Variants in CNOT6 observed in about 807,000 individuals in gnomAD.
CNOT6 encodes the protein CCR4-NOT transcription complex subunit 6, also known as carbon catabolite repression 4 protein.
In CNOT6, 12 loss-of-function variants were observed where a neutral mutation model predicts 61.2. That is an observed-to-expected ratio of 0.20 (90% CI 0.13 to 0.32). CNOT6 has a LOEUF of 0.32. CNOT6 is among the 10% of genes least tolerant of loss of function. The pLI is 1.00. For missense variants in CNOT6, 405 were observed against 663.9 expected (o/e 0.61, Z 4.28); for synonymous variants, 225 against 240.6 (o/e 0.94, Z 0.60).
chr5:180,567,471 A>G (rs1438977166), intron 8 of CNOT6, among the ~76,000 whole-genome samples: 1 of 152,190 alleles, frequency 6.6e-6, no homozygotes, highest in Non-Finnish European at 1.5e-5. Context: ...ACTAGGGTTT[A>G]ACTCCCAATT....
At chr5:180,571,706 C>T (rs887020175) in intron 11 of CNOT6, among the ~76,000 whole-genome samples, 1 of 152,146 alleles carries the variant, frequency 6.6e-6, no homozygotes, top group African/African-American at 2.4e-5. Context: ...GCTGGGACTA[C>T]AGGCGCCTAC....
intron 4 of CNOT6, among the ~76,000 whole-genome samples, chr5:180,557,095 A>G (rs1025091249): frequency 4.6e-5 from 7 of 152,338 alleles, no homozygotes; most frequent in Admixed American, 2.6e-4. Context: ...AATAGACAAA[A>G]GTAGTAGTCT....
At position 180,574,472 on chromosome 5, in the gene CNOT6, T is replaced by G; in HGVS notation, c.*272T>G. The G allele has an allele frequency of 2.1e-6, 1 of 477,088 alleles. No homozygotes were observed. Among genetic ancestry groups the G allele is most frequent in the Non-Finnish European group, 3.8e-6 (1 of 263,048 alleles). 29.6% of individuals were successfully genotyped at this position (477,088 alleles called of 1,614,324 possible). A position where few individuals can be genotyped will look rare whatever the true frequency, so the allele number is the denominator to read the frequency against. On this transcript the variant is annotated 3_prime_UTR_variant, in exon 12 of 12. Transcript: ENST00000261951. ...AGATTTTCCTATTTCTTCTACCCAA[T>G]AGAATATTTTCATGCCTGGAAATAG...
At position 180,564,787 on chromosome 5, in the gene CNOT6, C is replaced by A. The variant is rs374036162; in HGVS notation, c.559+44C>A. ...TTTAACTGTTATTTTTGCTCAGTCT[C>A]TATAAGCCTAACAGTATTGTCAGCA... On this transcript the variant is annotated intron_variant, in intron 6 of 11. Transcript: ENST00000261951. 5.1e-6 allele frequency: 7 copies of A among 1,359,754 alleles called. No individual in the cohort carries two copies. In the African/African-American group the frequency reaches 8.6e-5, roughly 17 times the overall value. 84.2% of individuals were successfully genotyped at this position (1,359,754 alleles called of 1,614,324 possible). A position where few individuals can be genotyped will look rare whatever the true frequency, so the allele number is the denominator to read the frequency against.
chr5:180,515,714 C>T lies in CNOT6; in HGVS notation c.-2-13561C>T, dbSNP rs146595242. 6.6e-4 allele frequency among the ~76,000 whole-genome samples: 101 copies of T among 151,962 alleles called. No individual in the cohort carries two copies. The East Asian group carries it at 0.019, about 29-fold the overall frequency. On this transcript the variant is annotated intron_variant, in intron 1 of 11. Coordinates refer to ENST00000261951, the MANE Select transcript of CNOT6 (RefSeq NM_001370472.1). ...CCTAACTTACAGTAGCTCTAAGGAG[C>T]CTGATTACTAAAAAAAAAGGGGGTC...
chr5:180,502,882 C>T (rs1427457733), intron 1 of CNOT6, among the ~76,000 whole-genome samples: 3 of 152,158 alleles, frequency 2.0e-5, no homozygotes, highest in Non-Finnish European at 2.9e-5. Context: ...GTTAAGTAAA[C>T]ACTTCAGCAT....
Position 180,529,475 on chromosome 5 carries a change from AT to A in CNOT6, c.112+89del, listed in dbSNP as rs1380820838. Reference sequence around the variant, plus strand: ...TCTAATGCCAATACAGGAAAGAAACATTGATTTTATATTTTACAAATGTAAT... The same window carrying A: ...TCTAATGCCAATACAGGAAAGAAACATGATTTTATATTTTACAAATGTAAT... On this transcript the variant is annotated intron_variant, in intron 2 of 11. Coordinates refer to ENST00000261951, the MANE Select transcript of CNOT6 (RefSeq NM_001370472.1). 4.1e-6 allele frequency: 3 copies of A among 731,728 alleles called. No homozygotes were observed. In the East Asian group the frequency reaches 8.0e-5, roughly 19 times the overall value. The allele number at this position is 731,728 out of a possible 1,614,324, so 45.3% of individuals were successfully genotyped here. A position where few individuals can be genotyped will look rare whatever the true frequency, so the allele number is the denominator to read the frequency against.
At chr5:180,566,537 A>G (rs1479872996) in intron 7 of CNOT6, among the ~76,000 whole-genome samples, 2 of 151,870 alleles carry the variant, frequency 1.3e-5, no homozygotes, top group South Asian at 2.1e-4. Flanking sequence ...TCTTTCACTC[A>G]CTGTTCTTAA....
At chr5:180,503,506 G>A (rs959223002) in intron 1 of CNOT6, among the ~76,000 whole-genome samples, 1 of 150,988 alleles carries the variant, frequency 6.6e-6, no homozygotes, top group African/African-American at 2.4e-5. Flanking sequence ...CTGAAGTGAT[G>A]TGCCTGCTTC....
intron 1 of CNOT6, 134 bp from the exon 2 acceptor site, chr5:180,529,132 AGGTTGGAGT>A: frequency 1.6e-6 from 1 of 620,464 alleles, no homozygotes; most frequent in Non-Finnish European, 2.9e-6. Flanking sequence ...TTGCTTGAAG[AGGTTGGAGT>A]GAGCCAAAAT....
intron 2 of CNOT6, among the ~76,000 whole-genome samples, chr5:180,547,268 C>T (rs1161433174): frequency 2.0e-5 from 3 of 151,960 alleles, no homozygotes; most frequent in African/African-American, 4.8e-5. Flanking sequence ...GCCTGTATTC[C>T]CAGCACTTTG....
rs1162724871 is a variant in CNOT6, at chr5:180,550,005, C to T, written c.187C>T (p.Leu63=). Residue 63 remains leucine (L), a synonymous_variant, in exon 3 of 12, where the codon CTG becomes TTG. Coordinates refer to ENST00000261951, the MANE Select transcript of CNOT6 (RefSeq NM_001370472.1). ...AGCTTTGCATTTGAGTGACAATTCC[C>T]TGTCCCGAATTCCTTCAGACATTGC... ...LTALHLSDNS[L]SRIPSDIAKL... 1 of 1,614,048 alleles carries T rather than the reference C, an allele frequency of 6.2e-7. No homozygotes were observed. The highest frequency in any genetic ancestry group is 2.2e-5 in the East Asian group (1 of 44,888).
chr5:180,525,290 A>G (rs1255945819), intron 1 of CNOT6, among the ~76,000 whole-genome samples: 1 of 152,114 alleles, frequency 6.6e-6, no homozygotes. Flanking sequence ...TAATCTTAAC[A>G]CTTTGGGAGG....
At chr5:180,512,590 A>G (rs775242227) in intron 1 of CNOT6, among the ~76,000 whole-genome samples, 2 of 152,154 alleles carry the variant, frequency 1.3e-5, no homozygotes, top group Non-Finnish European at 2.9e-5. Context: ...TTTTATTACT[A>G]TTTTTATTCT....
At chr5:180,565,455 G>T (rs1474323254) in intron 6 of CNOT6, among the ~76,000 whole-genome samples, 1 of 152,188 alleles carries the variant, frequency 6.6e-6, no homozygotes, top group Non-Finnish European at 1.5e-5. Flanking sequence ...GCCTATTAAG[G>T]ATACTACCTA....
At chr5:180,543,324 G>T (rs1356245233) in intron 2 of CNOT6, among the ~76,000 whole-genome samples, 2 of 146,890 alleles carry the variant, frequency 1.4e-5, no homozygotes, top group Non-Finnish European at 3.1e-5. Context: ...CTCCCAAAGT[G>T]CTGTGATAAC....
Position 180,575,937 on chromosome 5 carries a change from T to C in CNOT6, c.*1737T>C, listed in dbSNP as rs1760983176. ...TAGAAAATTCTCCAAAAGGTTTTGATGTTGAATCTTGGTCTTGGACCTGTT... is the reference window on the plus strand; with the variant it reads ...TAGAAAATTCTCCAAAAGGTTTTGACGTTGAATCTTGGTCTTGGACCTGTT... On this transcript the variant is annotated 3_prime_UTR_variant, in exon 12 of 12. Coordinates refer to ENST00000261951, the MANE Select transcript of CNOT6 (RefSeq NM_001370472.1). The C allele has an allele frequency of 6.6e-6, 1 of 152,540 alleles. No individual in the cohort carries two copies. The allele number at this position is 152,540 out of a possible 1,614,324, so 9.4% of individuals were successfully genotyped here. A position where few individuals can be genotyped will look rare whatever the true frequency, so the allele number is the denominator to read the frequency against.
rs35909953 is a variant in CNOT6, at chr5:180,561,356, TTGTGTGTGTGTGTG to T, written c.386-3109_386-3096del. On this transcript the variant is annotated intron_variant, in intron 4 of 11. Transcript: ENST00000261951. ...CAGTCTTCCTGTTTTCTTGTGTGTT[TTGTGTGTGTGTGTG>T]TGTGTGTGTGTGTGTGTGTGTGTTT... 1.0e-4 allele frequency among the ~76,000 whole-genome samples: 15 copies of T among 144,844 alleles called. No homozygotes were observed. In the East Asian group the frequency reaches 1.0e-3, roughly 10 times the overall value.
intron 2 of CNOT6, among the ~76,000 whole-genome samples, chr5:180,543,224 A>G (rs944505663): frequency 1.3e-5 from 2 of 151,988 alleles, no homozygotes; most frequent in African/African-American, 4.8e-5. Flanking sequence ...ACTCCTGGCT[A>G]AATTTTTTGT....
Sources: gnomAD v4.1 joint callset for allele counts (sites outside exome capture counted in the v4.1 genomes callset) on GRCh38, gnomAD v4.1.1 for gene constraint, MANE v1.5 for transcripts, NCBI Gene and HGNC (gene_info 2026-07-23, HGNC 2026-07-21) for gene names.